PHF21A: variants seen among roughly 807,000 people sequenced by gnomAD.
PHF21A encodes the protein PHD finger protein 21A, also known as BHC80a.
In PHF21A, 11 loss-of-function variants were observed where a neutral mutation model predicts 82.5. The ratio of observed to expected loss-of-function variants is 0.13; its 90% CI spans 0.08 to 0.22. The LOEUF (loss-of-function observed/expected upper bound fraction) is 0.22. Among genes scored for constraint, PHF21A ranks in the 10% least tolerant of loss-of-function variants. PHF21A has a pLI of 1.00. For missense variants in PHF21A, 579 were observed against 837.8 expected, an observed-to-expected ratio of 0.69 and a Z score of 3.81; for synonymous variants, 297 against 302.8, an observed-to-expected ratio of 0.98 and a Z score of 0.20.
chr11:46,004,665 A>G (rs2095249380), intron 6 of PHF21A, among the ~76,000 whole-genome samples: 1 of 152,192 alleles, frequency 6.6e-6, no homozygotes. Flanking sequence ...TGCATAGCAC[A>G]GACTATTACT....
At chr11:46,045,042 A>C (rs1192601154) in intron 6 of PHF21A, among the ~76,000 whole-genome samples, 1 of 152,182 alleles carries the variant, frequency 6.6e-6, no homozygotes, top group Non-Finnish European at 1.5e-5. Flanking sequence ...AACACTTTTT[A>C]TGAAAAGTGT....
intron 3 of PHF21A, among the ~76,000 whole-genome samples, chr11:46,085,614 C>T (rs2096847577): frequency 6.6e-6 from 1 of 152,088 alleles, no homozygotes; most frequent in South Asian, 2.1e-4. Context: ...AGCTTTTTAG[C>T]ATTCATATAA....
chr11:45,948,362 AG>A (rs2091600199), intron 14 of PHF21A, among the ~76,000 whole-genome samples: 1 of 152,128 alleles, frequency 6.6e-6, no homozygotes, highest in South Asian at 2.1e-4. Context: ...CTGTTTTGAG[AG>A]TGACCTTTTC....
At chr11:46,069,100 T>C (rs754758566) in intron 6 of PHF21A, among the ~76,000 whole-genome samples, 2 of 152,154 alleles carry the variant, frequency 1.3e-5, no homozygotes, top group Non-Finnish European at 2.9e-5. Context: ...ACACTACATA[T>C]ATACAACCTC....
At chr11:46,096,316 T>A (rs1052826481) in intron 1 of PHF21A, among the ~76,000 whole-genome samples, 2 of 151,890 alleles carry the variant, frequency 1.3e-5, no homozygotes, top group Non-Finnish European at 1.5e-5. Context: ...TGACTCCATA[T>A]CCTTCTCTAG....
intron 6 of PHF21A, among the ~76,000 whole-genome samples, chr11:46,014,409 C>T (rs1335072307): frequency 6.6e-6 from 1 of 152,178 alleles, no homozygotes; most frequent in East Asian, 1.9e-4. Flanking sequence ...ATCCAATCCA[C>T]TGTTGATGGA....
intron 6 of PHF21A, among the ~76,000 whole-genome samples, chr11:46,073,445 T>C (rs1419739765): frequency 6.6e-6 from 1 of 152,180 alleles, no homozygotes; most frequent in South Asian, 2.1e-4. Flanking sequence ...AAGAGCTTGA[T>C]GTTAAAAAAA....
intron 6 of PHF21A, among the ~76,000 whole-genome samples, chr11:46,048,277 C>T (rs1284169480): frequency 1.3e-5 from 2 of 152,132 alleles, no homozygotes; most frequent in Non-Finnish European, 2.9e-5. Context: ...TTGTCATTGG[C>T]TTCTTTTACT....
At chr11:46,014,988 A>AC (rs2095485860) in intron 6 of PHF21A, among the ~76,000 whole-genome samples, 1 of 46,580 alleles carries the variant, frequency 2.1e-5, no homozygotes, top group Non-Finnish European at 3.4e-5. Context: ...TCAAAAAAAA[A>AC]AAAAAATAAA....
chr11:45,989,560 T>C (rs2094607972), intron 6 of PHF21A, among the ~76,000 whole-genome samples: 1 of 149,510 alleles, frequency 6.7e-6, no homozygotes, highest in African/African-American at 2.5e-5. Flanking sequence ...TTCCAGCTAC[T>C]CGGGAGGCTG....
chr11:45,947,293 G>A (rs1303814068), intron 14 of PHF21A, among the ~76,000 whole-genome samples: 2 of 151,986 alleles, frequency 1.3e-5, no homozygotes, highest in African/African-American at 4.8e-5. Context: ...GTGATCAAAA[G>A]TATATGCCCA....
rs948967633 is a variant in PHF21A, at chr11:46,021,038, A to C, written c.154-41072T>G. 3.3e-5 allele frequency among the ~76,000 whole-genome samples: 5 copies of C among 151,862 alleles called. No individual in the cohort carries two copies. The East Asian group carries it at 9.7e-4, about 29-fold the overall frequency. The stretch of plus-strand genomic sequence containing the variant: ...TACACTGAGGAGTATCTGAATATGG[A>C]AGGGACCATTAGATAGATTCTTTAA... On this transcript the variant is annotated intron_variant, in intron 6 of 18. Transcript: ENST00000676320.
chr11:46,026,052 A>G (rs541929164), intron 6 of PHF21A, among the ~76,000 whole-genome samples: 2 of 152,324 alleles, frequency 1.3e-5, no homozygotes, highest in South Asian at 4.1e-4. Flanking sequence ...AGATCATGCC[A>G]AGTTATCTAA....
intron 1 of PHF21A, among the ~76,000 whole-genome samples, chr11:46,101,435 A>T (rs989497371): frequency 1.3e-5 from 2 of 152,214 alleles, no homozygotes; most frequent in Admixed American, 1.3e-4. Context: ...CTATAAATAA[A>T]GATTGGCAAA....
chr11:46,056,776 A>C (rs2096463828), intron 6 of PHF21A, among the ~76,000 whole-genome samples: 1 of 152,116 alleles, frequency 6.6e-6, no homozygotes, highest in African/African-American at 2.4e-5. Flanking sequence ...GGAAACTTTA[A>C]GATTAGCTAT....
At chr11:46,116,301 T>C (rs754067061) in intron 1 of PHF21A, among the ~76,000 whole-genome samples, 9 of 152,192 alleles carry the variant, frequency 5.9e-5, no homozygotes, top group Non-Finnish European at 1.3e-4. Context: ...TACTAACACA[T>C]ACAGATATAC....
chr11:45,991,366 G>A lies in PHF21A; in HGVS notation c.154-11400C>T, dbSNP rs548249174. On this transcript the variant is annotated intron_variant, in intron 6 of 18. Coordinates refer to ENST00000676320, the MANE Select transcript of PHF21A (RefSeq NM_001352027.3). ...ATATCAGATGGATATTACTTGCCAG[G>A]TAGAACAATGAGGCTCTGAGTAATT... Among the ~76,000 whole-genome samples the A allele has an allele frequency of 1.6e-4, 24 of 152,250 alleles. No homozygotes were observed. The South Asian group carries it at 5.0e-3, about 32-fold the overall frequency.
intron 6 of PHF21A, among the ~76,000 whole-genome samples, chr11:46,057,843 C>T (rs1223886578): frequency 6.6e-6 from 1 of 152,062 alleles, no homozygotes. Flanking sequence ...AAATATGGTG[C>T]TTAAGGGAAT....
intron 6 of PHF21A, among the ~76,000 whole-genome samples, chr11:46,073,914 C>T (rs1315063729): frequency 2.6e-5 from 4 of 152,160 alleles, no homozygotes; most frequent in Admixed American, 2.6e-4. Flanking sequence ...AAGCACTAGA[C>T]CCTTCCAACC....
Sources: gnomAD v4.1 joint callset for allele counts (sites outside exome capture counted in the v4.1 genomes callset) on GRCh38, gnomAD v4.1.1 for gene constraint, MANE v1.5 for transcripts, NCBI Gene and HGNC (gene_info 2026-07-23, HGNC 2026-07-21) for gene names.